Variants in DLGAP2 observed in about 807,000 individuals in gnomAD.
DLGAP2 encodes the protein DLG associated protein 2.
Under a neutral mutation model 100.3 loss-of-function variants are expected in DLGAP2, and 26 were observed. That is an observed-to-expected ratio of 0.26 (90% confidence interval 0.19 to 0.36). DLGAP2 has a LOEUF of 0.36. Ranked by LOEUF, DLGAP2 falls within the 10% of genes least tolerant of loss-of-function variation. The pLI, the probability that DLGAP2 is intolerant of heterozygous loss-of-function variation, is 1.00. For synonymous variants in DLGAP2, 886 were observed against 630.1 expected (o/e 1.41, Z -6.08); for missense variants, 1,858 against 1,453.2 (o/e 1.28, Z -4.53).
At chr8:1,655,180 G>T (rs1055063092) in intron 8 of DLGAP2, among the ~76,000 whole-genome samples, 2 of 152,228 alleles carry the variant, frequency 1.3e-5, no homozygotes, top group African/African-American at 4.8e-5. Context: ...GAAAACCATT[G>T]TGTGTATGCT....
chr8:1,032,105 C>T (rs1260906713), intron 2 of DLGAP2, among the ~76,000 whole-genome samples: 1 of 152,214 alleles, frequency 6.6e-6, no homozygotes, highest in East Asian at 1.9e-4. Flanking sequence ...AACACATCTG[C>T]CCCTGGGTCT....
intron 6 of DLGAP2, among the ~76,000 whole-genome samples, chr8:1,625,254 T>A (rs1375231885): frequency 6.6e-6 from 1 of 152,250 alleles, no homozygotes; most frequent in Admixed American, 6.5e-5. Context: ...TAATTAATCA[T>A]TTCTGTCCAC....
intron 2 of DLGAP2, among the ~76,000 whole-genome samples, chr8:1,076,313 G>A (rs1462066929): frequency 6.6e-6 from 1 of 152,238 alleles, no homozygotes; most frequent in African/African-American, 2.4e-5. Context: ...AGCTCACACG[G>A]CACTGACACA....
chr8:1,162,384 G>A (rs1796910014), intron 2 of DLGAP2, among the ~76,000 whole-genome samples: 1 of 152,218 alleles, frequency 6.6e-6, no homozygotes, highest in African/African-American at 2.4e-5. Flanking sequence ...GACGTCTTAG[G>A]TAGAAGAGAA....
At chr8:1,390,391 T>C (rs1796321983) in intron 3 of DLGAP2, among the ~76,000 whole-genome samples, 1 of 152,198 alleles carries the variant, frequency 6.6e-6, no homozygotes, top group Non-Finnish European at 1.5e-5. Flanking sequence ...TTTCTTCCTT[T>C]TGCTGGAGTA....
chr8:1,546,522 C>T (rs193047584), intron 4 of DLGAP2, among the ~76,000 whole-genome samples: 168 of 152,340 alleles, frequency 1.1e-3, no homozygotes, highest in African/African-American at 3.8e-3. Context: ...CTGAAATCTG[C>T]GACGTTTTGA....
intron 2 of DLGAP2, among the ~76,000 whole-genome samples, chr8:924,724 A>G (rs900851800): frequency 2.0e-5 from 3 of 152,004 alleles, no homozygotes; most frequent in African/African-American, 7.3e-5. Context: ...CTGGGATTAC[A>G]GGCATGCACC....
At chr8:1,515,643 C>T (rs1300692693) in intron 4 of DLGAP2, among the ~76,000 whole-genome samples, 1 of 152,184 alleles carries the variant, frequency 6.6e-6, no homozygotes, top group South Asian at 2.1e-4. Context: ...AGCACACACA[C>T]ATGCAGACAT....
intron 4 of DLGAP2, among the ~76,000 whole-genome samples, chr8:1,536,403 A>T (rs560554304): frequency 6.6e-6 from 1 of 152,318 alleles, no homozygotes; most frequent in Non-Finnish European, 1.5e-5. Context: ...CATTCCTAAA[A>T]AAGGATTATC....
intron 2 of DLGAP2, among the ~76,000 whole-genome samples, chr8:966,448 T>G (rs1439420655): frequency 1.3e-5 from 2 of 152,240 alleles, no homozygotes; most frequent in African/African-American, 4.8e-5. Context: ...TTAGGGTGAA[T>G]CAAACATCTT....
chr8:880,689 G>T (rs1406885676), intron 1 of DLGAP2, among the ~76,000 whole-genome samples: 1 of 151,990 alleles, frequency 6.6e-6, no homozygotes, highest in Non-Finnish European at 1.5e-5. Flanking sequence ...ACCGTCCAGT[G>T]TGTGTCCCCT....
intron 3 of DLGAP2, among the ~76,000 whole-genome samples, chr8:1,495,693 G>GGAGTTCGAGACCAGCCTGGCCAAC (rs1799523682): frequency 6.6e-6 from 1 of 151,924 alleles, no homozygotes; most frequent in Non-Finnish European, 1.5e-5. Context: ...GCAGGATGCA[G>GGAGTTCGAGACCAGCCTGGCCAAC]ATTGCAGACG....
At chr8:907,116 C>T (rs1010848670) in intron 1 of DLGAP2, among the ~76,000 whole-genome samples, 2 of 152,174 alleles carry the variant, frequency 1.3e-5, no homozygotes, top group Non-Finnish European at 2.9e-5. Context: ...CCTCTAATCA[C>T]CCTCTCTCCT....
At chr8:890,666 C>T (rs908468225) in intron 1 of DLGAP2, among the ~76,000 whole-genome samples, 1 of 152,028 alleles carries the variant, frequency 6.6e-6, no homozygotes, top group Non-Finnish European at 1.5e-5. Context: ...CCCTCACCCA[C>T]CCGGTGCCAC....
At chr8:1,534,593 G>A (rs1801091853) in intron 4 of DLGAP2, among the ~76,000 whole-genome samples, 1 of 152,208 alleles carries the variant, frequency 6.6e-6, no homozygotes, top group Non-Finnish European at 1.5e-5. Context: ...AGACATCTAT[G>A]AGCAGTTTTT....
At chr8:787,670 G>T (rs901428871) in intron 1 of DLGAP2, among the ~76,000 whole-genome samples, 2 of 152,128 alleles carry the variant, frequency 1.3e-5, no homozygotes, top group African/African-American at 2.4e-5. Flanking sequence ...GTCTTGCTCC[G>T]GGCCCCCTTG....
chr8:1,085,741 A>T (rs1803954072), intron 2 of DLGAP2, among the ~76,000 whole-genome samples: 1 of 152,102 alleles, frequency 6.6e-6, no homozygotes, highest in Admixed American at 6.5e-5. Context: ...TGATTTTCTT[A>T]TATATTTGAG....
chr8:874,805 T>TG (rs1312162319), intron 1 of DLGAP2, among the ~76,000 whole-genome samples: 2 of 152,148 alleles, frequency 1.3e-5, no homozygotes, highest in African/African-American at 4.8e-5. Context: ...TCATTAAGAG[T>TG]GTGGTATTAA....
chr8:1,040,763 A>G (rs965810703), intron 2 of DLGAP2, among the ~76,000 whole-genome samples: 1 of 152,066 alleles, frequency 6.6e-6, no homozygotes, highest in Non-Finnish European at 1.5e-5. Context: ...ATGAGGGGAC[A>G]TGATGCTTTG....
Sources: gnomAD v4.1 joint callset for allele counts (sites outside exome capture counted in the v4.1 genomes callset) on GRCh38, gnomAD v4.1.1 for gene constraint, MANE v1.5 for transcripts, NCBI Gene and HGNC (gene_info 2026-07-23, HGNC 2026-07-21) for gene names.